SHISA9: variants seen among roughly 807,000 people sequenced by gnomAD.
SHISA9 encodes the protein shisa family member 9, also known as protein shisa-9.
In SHISA9, 13 loss-of-function variants were observed where a neutral mutation model predicts 38.0. The observed-to-expected ratio is 0.34, with a 90% CI of 0.22 to 0.54. The LOEUF (loss-of-function observed/expected upper bound fraction) is 0.54. Ranked by LOEUF, SHISA9 falls within the 20% of genes least tolerant of loss-of-function variation. SHISA9 has a pLI of 0.91. For synonymous variants in SHISA9, 275 were observed against 242.0 expected, an observed-to-expected ratio of 1.14 and a Z score of -1.27; for missense variants, 538 against 575.8, an observed-to-expected ratio of 0.93 and a Z score of 0.67.
chr16:13,427,285 TA>T, the SHISA9 span, among the ~76,000 whole-genome samples: 2 of 152,166 alleles, frequency 1.3e-5, no homozygotes, highest in Non-Finnish European at 2.9e-5. Flanking sequence ...CTGCCTTTTA[TA>T]AAAGAGGAAA....
chr16:13,019,968 TTTCCTTCCTTCCTTCC>T (rs750335000), intron 2 of SHISA9, among the ~76,000 whole-genome samples: 3,776 of 43,234 alleles, frequency 0.087, 303 homozygotes, highest in East Asian at 0.3. Context: ...TCCCTCCTTC[TTTCCTTCCTTCCTTCC>T]TTCCTTCCTT....
At chr16:13,441,541 A>G in the SHISA9 span, among the ~76,000 whole-genome samples, 10 of 152,200 alleles carry the variant, frequency 6.6e-5, no homozygotes, top group Admixed American at 4.6e-4. Context: ...ATGGAGATCA[A>G]TGCCCTTTGT....
At chr16:12,921,431 G>T (rs979857578) in intron 2 of SHISA9, among the ~76,000 whole-genome samples, 1 of 152,160 alleles carries the variant, frequency 6.6e-6, no homozygotes, top group Non-Finnish European at 1.5e-5. Context: ...CACCTGGGAT[G>T]TCCTACACTT....
intron 3 of SHISA9, among the ~76,000 whole-genome samples, chr16:13,205,185 T>C (rs1471800559): frequency 1.3e-5 from 2 of 152,208 alleles, no homozygotes; most frequent in African/African-American, 2.4e-5. Flanking sequence ...GATTCAGACA[T>C]GGGCATTTTT....
At chr16:12,958,442 A>G (rs1246074390) in intron 2 of SHISA9, among the ~76,000 whole-genome samples, 1 of 152,208 alleles carries the variant, frequency 6.6e-6, no homozygotes, top group Non-Finnish European at 1.5e-5. Flanking sequence ...CTGAAGCCCA[A>G]ATCTCTGCTT....
At chr16:12,972,662 A>T (rs2072100316) in intron 2 of SHISA9, among the ~76,000 whole-genome samples, 1 of 128,360 alleles carries the variant, frequency 7.8e-6, no homozygotes, top group African/African-American at 2.6e-5. Context: ...TGAGAAACTG[A>T]ATTCTTAATT....
At chr16:13,157,149 C>A (rs917203298) in intron 2 of SHISA9, among the ~76,000 whole-genome samples, 1 of 152,130 alleles carries the variant, frequency 6.6e-6, no homozygotes, top group Non-Finnish European at 1.5e-5. Flanking sequence ...ATCCATCCAT[C>A]ATCCGTCCAT....
At chr16:13,183,659 T>G (rs555115779) in intron 2 of SHISA9, among the ~76,000 whole-genome samples, 4 of 152,374 alleles carry the variant, frequency 2.6e-5, no homozygotes, top group Admixed American at 2.6e-4. Context: ...GTTTTCCTTT[T>G]GTGAATAACT....
the SHISA9 span, among the ~76,000 whole-genome samples, chr16:13,267,529 C>A: frequency 2.8e-4 from 43 of 152,238 alleles, no homozygotes; most frequent in African/African-American, 9.6e-4. Flanking sequence ...CTTAATTCAA[C>A]AATTCTACCT....
At chr16:13,027,112 C>A (rs1312057969) in intron 2 of SHISA9, among the ~76,000 whole-genome samples, 1 of 152,138 alleles carries the variant, frequency 6.6e-6, no homozygotes, top group African/African-American at 2.4e-5. Context: ...TTGGGGATCC[C>A]CAAGATTTCT....
chr16:13,446,368 G>A, the SHISA9 span, among the ~76,000 whole-genome samples: 2 of 152,192 alleles, frequency 1.3e-5, no homozygotes, highest in Admixed American at 1.3e-4. Context: ...TTTGACACTG[G>A]GCTATGTCCT....
the SHISA9 span, among the ~76,000 whole-genome samples, chr16:13,542,910 G>T: frequency 6.6e-6 from 1 of 152,138 alleles, no homozygotes; most frequent in African/African-American, 2.4e-5. Context: ...GGTTCCAGTG[G>T]AATCAATGGC....
At chr16:13,457,250 G>A in the SHISA9 span, among the ~76,000 whole-genome samples, 2 of 152,190 alleles carry the variant, frequency 1.3e-5, no homozygotes, top group Non-Finnish European at 2.9e-5. Flanking sequence ...AGGTTGCAGT[G>A]AGCCAAGATC....
the SHISA9 span, among the ~76,000 whole-genome samples, chr16:13,554,375 T>C: frequency 6.6e-6 from 1 of 151,838 alleles, no homozygotes; most frequent in African/African-American, 2.4e-5. Flanking sequence ...AACAGAGGAC[T>C]TATATGCTAC....
At chr16:13,148,183 C>CAT (rs568135516) in intron 2 of SHISA9, among the ~76,000 whole-genome samples, 37 of 152,114 alleles carry the variant, frequency 2.4e-4, no homozygotes, top group Non-Finnish European at 5.1e-4. Flanking sequence ...TCTGGTGCAT[C>CAT]ACCCCTGCAC....
the SHISA9 span, among the ~76,000 whole-genome samples, chr16:13,538,536 C>T: frequency 6.6e-6 from 1 of 152,152 alleles, no homozygotes; most frequent in Non-Finnish European, 1.5e-5. Context: ...CTAAGTTCAT[C>T]AGAACCTTTT....
chr16:13,339,870 T>C, the SHISA9 span, among the ~76,000 whole-genome samples: 1 of 152,164 alleles, frequency 6.6e-6, no homozygotes, highest in Admixed American at 6.5e-5. Context: ...TGAATAAATA[T>C]ATATAAAGTG....
chr16:13,445,273 G>A, the SHISA9 span, among the ~76,000 whole-genome samples: 1 of 151,958 alleles, frequency 6.6e-6, no homozygotes, highest in African/African-American at 2.4e-5. Context: ...ATCCTTCTTT[G>A]CATCTCCAGC....
At chr16:13,437,264 A>T in the SHISA9 span, among the ~76,000 whole-genome samples, 1 of 152,158 alleles carries the variant, frequency 6.6e-6, no homozygotes, top group African/African-American at 2.4e-5. Context: ...CTGTAAGATG[A>T]TATGGCTTCA....
Sources: allele counts gnomAD v4.1 joint callset (sites outside exome capture counted in the v4.1 genomes callset), GRCh38; gene constraint gnomAD v4.1.1; transcripts MANE v1.5; gene names NCBI Gene and HGNC (gene_info 2026-07-23, HGNC 2026-07-21).